AJAP1: variants seen among roughly 807,000 people sequenced by gnomAD.
The protein encoded by AJAP1 is adherens junction-associated protein 1.
AJAP1 carries 5 observed loss-of-function variants against 35.0 expected under a neutral mutation model. That is an observed-to-expected ratio of 0.14 (90% confidence interval 0.07 to 0.30). The LOEUF (loss-of-function observed/expected upper bound fraction) is 0.30, where lower values mean the gene tolerates loss of function less well. Among genes scored for constraint, AJAP1 ranks in the 10% least tolerant of loss-of-function variants. The probability of loss-of-function intolerance (pLI) is 1.00; values close to 1 mark genes in which losing one functional copy is unlikely to be tolerated. For synonymous variants in AJAP1, 284 were observed against 249.3 expected, an observed-to-expected ratio of 1.14 and a Z score of -1.31; for missense variants, 586 against 571.0, an observed-to-expected ratio of 1.03 and a Z score of -0.27.
rs1224433495 is a variant in AJAP1, at chr1:4,692,788, CAG to C, written c.30-19111_30-19110del. ...TTGTCAGCTGAAATGCCTGTTCCCT[CAG>C]TGGACTGTGAACTCCCCATCTGGGT... On this transcript the variant is annotated intron_variant, in intron 1 of 5. Transcript: ENST00000378191. The surrounding 1 kb of genome is among the most constrained non-coding windows in gnomAD (Gnocchi z 4.4). Among the ~76,000 whole-genome samples the C allele has an allele frequency of 6.6e-6, 1 of 152,190 alleles. No individual in the cohort carries two copies. Among genetic ancestry groups the C allele is most frequent in the Non-Finnish European group, 1.5e-5 (1 of 68,040 alleles).
Position 4,753,545 on chromosome 1 carries a change from A to G in AJAP1, c.830-16308A>G, listed in dbSNP as rs935268266. Among the ~76,000 whole-genome samples, 6 of 152,148 alleles carry G rather than the reference A, an allele frequency of 3.9e-5. No individual in the cohort carries two copies. The South Asian group carries it at 1.2e-3, about 32-fold the overall frequency. On this transcript the variant is annotated intron_variant, in intron 2 of 5. Transcript: ENST00000378191. ...TCCTCTTGAAATTCTCCATCTTGTA[A>G]TCTATTTTCTTTAATATATTAATCG... is the stretch of plus-strand genomic sequence containing the variant.
rs756495343 is a variant in AJAP1, at chr1:4,769,895, T to C, written c.872T>C (p.Ile291Thr). Residue 291 changes from isoleucine (I) to threonine (T), a missense_variant, in exon 3 of 6, where the codon ATC becomes ACC. Ile to Thr is a moderately conservative substitution (Grantham distance 89, BLOSUM62 -1). Transcript: ENST00000378191. ...ATCATCACCATCACCGTCTCCCTCA[T>C]CATGGTCATAGCTGCTCTCATCACA... Reference protein sequence around the residue: ...HQIITITVSLIMVIAALITTL... With the variant: ...HQIITITVSLTMVIAALITTL... The C allele has an allele frequency of 1.2e-6, 2 of 1,614,130 alleles. No homozygotes were observed. Among genetic ancestry groups the C allele is most frequent in the Admixed American group, 3.3e-5 (2 of 60,024 alleles).
chr1:4,695,685 C>T lies in AJAP1; in HGVS notation c.30-16215C>T, dbSNP rs551949839. On this transcript the variant is annotated intron_variant, in intron 1 of 5. Transcript: ENST00000378191. ...CCGCTCCTGGGCCTGTAGATGCTGC[C>T]TTTCCCCTGTATCTTCACATGGTCT... Among the ~76,000 whole-genome samples, 8 of 152,292 alleles carry T rather than the reference C, an allele frequency of 5.3e-5. No homozygotes were observed. The East Asian group carries it at 1.4e-3, about 26-fold the overall frequency.
chr1:4,754,243 C>T (rs1447477523), intron 2 of AJAP1, among the ~76,000 whole-genome samples: 2 of 152,194 alleles, frequency 1.3e-5, no homozygotes, highest in African/African-American at 2.4e-5. Flanking sequence ...TTAAAGACTT[C>T]CTGGCACATA....
rs533367005 is a variant in AJAP1 at position 4,710,178 on chromosome 1, A to T, written c.30-1722A>T. On this transcript the variant is annotated intron_variant, in intron 1 of 5. Coordinates refer to ENST00000378191, the MANE Select transcript of AJAP1 (RefSeq NM_018836.4). ...CAGATACTCTCACACAGACACACTC[A>T]CACAGGAACGCACAGATACACTCAT... Among the ~76,000 whole-genome samples the T allele has an allele frequency of 9.4e-3, 1,357 of 145,082 alleles. 13 individuals carry two copies. The highest frequency in any genetic ancestry group is 0.032 in the African/African-American group (1,242 of 39,156).
At position 4,655,838 on chromosome 1, in the gene AJAP1, G is replaced by A. The variant is rs1638868005; in HGVS notation, c.29+384G>A. Reference sequence around the variant, plus strand: ...GCCGGCCGCTGGGCGCGGCGGGCGCGGGGGCCGGGGCTGCCGGGGAAAGCT... The same window carrying A: ...GCCGGCCGCTGGGCGCGGCGGGCGCAGGGGCCGGGGCTGCCGGGGAAAGCT... On this transcript the variant is annotated intron_variant, in intron 1 of 5. Transcript: ENST00000378191. This position sits in a 1 kb window ranked among gnomAD's most constrained non-coding sequence, Gnocchi z 6.9. Among the ~76,000 whole-genome samples, 1 of 150,156 alleles carries A rather than the reference G, an allele frequency of 6.7e-6. No homozygotes were observed. The highest frequency in any genetic ancestry group is 2.1e-4 in the South Asian group (1 of 4,834).
chr1:4,688,548 G>A (rs1370244583), intron 1 of AJAP1, among the ~76,000 whole-genome samples: 6 of 152,050 alleles, frequency 3.9e-5, no homozygotes, highest in Middle Eastern at 3.4e-3. Flanking sequence ...CGAGGCAGGC[G>A]GATCACCTAA....
chr1:4,695,662 G>A (rs115334677), intron 1 of AJAP1, among the ~76,000 whole-genome samples: 3,924 of 152,264 alleles, frequency 0.026, 87 homozygotes, highest in Non-Finnish European at 0.037. Context: ...TGCTGAGGCC[G>A]CTCCTGGGCC....
chr1:4,752,228 G>A (rs1378017019), intron 2 of AJAP1, among the ~76,000 whole-genome samples: 1 of 151,854 alleles, frequency 6.6e-6, no homozygotes, highest in Non-Finnish European at 1.5e-5. Context: ...AGGGGGATGA[G>A]AAGACACTGG....
At chr1:4,663,216 C>A (rs780627869) in intron 1 of AJAP1, among the ~76,000 whole-genome samples, 3 of 152,240 alleles carry the variant, frequency 2.0e-5, no homozygotes, top group Admixed American at 2.0e-4. Context: ...TGAGCTCAAG[C>A]GATCATCCCA....
rs558519326 is a variant in AJAP1 at position 4,711,245 on chromosome 1, G to A, written c.30-655G>A. 23 of 152,450 alleles carry A rather than the reference G, an allele frequency of 1.5e-4. 1 individual carries two copies. The highest frequency in any genetic ancestry group is 4.8e-4 in the African/African-American group (20 of 41,586). The allele number at this position is 152,450 out of a possible 1,614,324, so 9.4% of individuals were successfully genotyped here. On this transcript the variant is annotated intron_variant, in intron 1 of 5. Transcript: ENST00000378191. Reference sequence around the variant, plus strand: ...GATGCCTGTTTACGATATGCATGCCGGGCTCTGGGTGAGGGGCAGCGGGAG... The same window carrying A: ...GATGCCTGTTTACGATATGCATGCCAGGCTCTGGGTGAGGGGCAGCGGGAG...
In AJAP1 at chr1:4,712,389, G is replaced by A. The variant is rs546971055; in HGVS notation, c.519G>A (p.Arg173=). 1 of 1,562,892 alleles carries A rather than the reference G, an allele frequency of 6.4e-7. No individual in the cohort carries two copies. The highest frequency in any genetic ancestry group is 8.7e-7 in the Non-Finnish European group (1 of 1,153,096). ...GLSSFDSRGS[R]PTTETEFIAW... is the part of the protein sequence containing the mutation. ...GCAGCTTCGACTCCAGAGGCAGCCG[G>A]CCCACCACAGAGACTGAGTTCATCG... Residue 173 remains arginine (R), a synonymous_variant, in exon 2 of 6, where the codon CGG becomes CGA. Transcript: ENST00000378191.
At chr1:4,657,837 C>A (rs1321958047) in intron 1 of AJAP1, among the ~76,000 whole-genome samples, 1 of 151,820 alleles carries the variant, frequency 6.6e-6, no homozygotes, top group Non-Finnish European at 1.5e-5. Context: ...TCTTTTCCCC[C>A]CAAGAGGGAG....
intron 1 of AJAP1, among the ~76,000 whole-genome samples, chr1:4,686,711 A>T (rs1296906815): frequency 6.6e-6 from 1 of 152,200 alleles, no homozygotes; most frequent in Non-Finnish European, 1.5e-5. Flanking sequence ...GCCCACGTGG[A>T]TGGAGCTCTT....
intron 2 of AJAP1, among the ~76,000 whole-genome samples, chr1:4,722,255 TG>T (rs1333604317): frequency 6.6e-6 from 1 of 152,202 alleles, no homozygotes; most frequent in Non-Finnish European, 1.5e-5. Flanking sequence ...GGAGGCCCTC[TG>T]GGTTCCAAGC....
chr1:4,695,022 A>G (rs1451721322), intron 1 of AJAP1, among the ~76,000 whole-genome samples: 1 of 150,930 alleles, frequency 6.6e-6, no homozygotes, highest in Non-Finnish European at 1.5e-5. Flanking sequence ...GGACGGACCC[A>G]AGGCTCTACA....
Position 4,787,939 on chromosome 1 carries a change from T to C in AJAP1, c.*5454T>C, listed in dbSNP as rs759396360. 5.4e-5 allele frequency: 18 copies of C among 333,174 alleles called. No individual in the cohort carries two copies. Among genetic ancestry groups the C allele is most frequent in the Admixed American group, 8.5e-5 (2 of 23,516 alleles). 20.6% of individuals were successfully genotyped at this position (333,174 alleles called of 1,614,324 possible). On this transcript the variant is annotated 3_prime_UTR_variant, in exon 6 of 6. Coordinates refer to ENST00000378191, the MANE Select transcript of AJAP1 (RefSeq NM_018836.4). Reference sequence around the variant, plus strand: ...CTATTCCAAAACATGCCGTGATTCATGTAATTTTTGAGTGGTTACTTTGGT... The same window carrying C: ...CTATTCCAAAACATGCCGTGATTCACGTAATTTTTGAGTGGTTACTTTGGT...
At chr1:4,683,728 C>T (rs1253723548) in intron 1 of AJAP1, among the ~76,000 whole-genome samples, 1 of 152,256 alleles carries the variant, frequency 6.6e-6, no homozygotes, top group African/African-American at 2.4e-5. Context: ...CTTCCTCTCA[C>T]TTGTCCCACA....
At chr1:4,742,612 T>A (rs1288518935) in intron 2 of AJAP1, among the ~76,000 whole-genome samples, 6 of 152,040 alleles carry the variant, frequency 3.9e-5, no homozygotes, top group African/African-American at 1.4e-4. Context: ...AAGTTCGAAA[T>A]TTTTTTTAAC....
Sources: allele counts gnomAD v4.1 joint callset (sites outside exome capture counted in the v4.1 genomes callset), GRCh38; gene constraint gnomAD v4.1.1; non-coding constraint Gnocchi (gnomAD v3.1); transcripts MANE v1.5; gene names NCBI Gene and HGNC (gene_info 2026-07-23, HGNC 2026-07-21).